Variants in KCNG3 observed in about 807,000 individuals in gnomAD.
KCNG3 encodes the protein voltage-gated potassium channel regulatory subunit KCNG3.
In KCNG3, 15 loss-of-function variants were observed where a neutral mutation model predicts 29.0. The ratio of observed to expected loss-of-function variants is 0.52; its 90% CI spans 0.35 to 0.80. The LOEUF is 0.80. Ranked by LOEUF, KCNG3 falls within the 30% of genes least tolerant of loss-of-function variation. The pLI, the probability that KCNG3 is intolerant of heterozygous loss-of-function variation, is 0.01. For missense variants in KCNG3, 512 were observed against 605.7 expected, an observed-to-expected ratio of 0.85 and a Z score of 1.62; for synonymous variants, 322 against 248.9, an observed-to-expected ratio of 1.29 and a Z score of -2.76.
At chr2:42,468,949 G>A (rs566925426) in intron 1 of KCNG3, among the ~76,000 whole-genome samples, 9 of 59,028 alleles carry the variant, frequency 1.5e-4, no homozygotes, top group East Asian at 4.8e-4. Flanking sequence ...GCAAGACTCC[G>A]TCTCCAAAAA....
At chr2:42,428,216 T>C in the KCNG3 span, among the ~76,000 whole-genome samples, 2 of 152,042 alleles carry the variant, frequency 1.3e-5, no homozygotes, top group Middle Eastern at 6.8e-3. Context: ...TCCCAGCACT[T>C]TGGGAGGCCG....
the KCNG3 span, among the ~76,000 whole-genome samples, chr2:42,403,414 A>T: frequency 5.3e-5 from 8 of 150,316 alleles, no homozygotes; most frequent in African/African-American, 2.0e-4. Flanking sequence ...AAGTTCTAGG[A>T]TTACAGGCAT....
chr2:42,459,263 G>T lies in KCNG3; in HGVS notation c.666-14684C>A, dbSNP rs565696879. Among the ~76,000 whole-genome samples, 149 of 150,728 alleles carry T rather than the reference G, an allele frequency of 9.9e-4. 1 individual carries two copies. The South Asian group carries it at 0.03, about 31-fold the overall frequency. On this transcript the variant is annotated intron_variant, in intron 1 of 1. Coordinates refer to ENST00000306078, the MANE Select transcript of KCNG3 (RefSeq NM_133329.6). ...GGTATTATGGTTTTATGACCCCCCAGATACCCAGCCCCATTCACCATCAGC... is the reference window on the plus strand; with the variant it reads ...GGTATTATGGTTTTATGACCCCCCATATACCCAGCCCCATTCACCATCAGC...
chr2:42,480,395 T>G (rs1405647964), intron 1 of KCNG3, among the ~76,000 whole-genome samples: 1 of 152,190 alleles, frequency 6.6e-6, no homozygotes, highest in Non-Finnish European at 1.5e-5. Flanking sequence ...CAGGCCTGGG[T>G]GGCACCACCA....
intron 1 of KCNG3, among the ~76,000 whole-genome samples, chr2:42,459,500 GTCC>G (rs1359299668): frequency 1.3e-5 from 2 of 152,202 alleles, no homozygotes; most frequent in Non-Finnish European, 2.9e-5. Flanking sequence ...ATGATGCAAT[GTCC>G]TCAAGTCAGG....
chr2:42,396,268 C>T, the KCNG3 span, among the ~76,000 whole-genome samples: 4 of 152,136 alleles, frequency 2.6e-5, no homozygotes, highest in South Asian at 2.1e-4. Context: ...TGTATTTATA[C>T]GTGAAGCATC....
chr2:42,419,373 G>C, the KCNG3 span, among the ~76,000 whole-genome samples: 5 of 151,616 alleles, frequency 3.3e-5, no homozygotes, highest in East Asian at 9.7e-4. Context: ...AAGTAGCTGG[G>C]ATTACAGGCA....
chr2:42,433,877 C>A, the KCNG3 span, among the ~76,000 whole-genome samples: 2 of 152,202 alleles, frequency 1.3e-5, no homozygotes, highest in South Asian at 2.1e-4. Flanking sequence ...GTATTCCAGG[C>A]TCTCTGGCCT....
the KCNG3 span, among the ~76,000 whole-genome samples, chr2:42,431,853 C>T: frequency 6.6e-6 from 1 of 152,138 alleles, no homozygotes; most frequent in African/African-American, 2.4e-5. Context: ...GCCTGGCCAA[C>T]ATGGCGAAAC....
intron 1 of KCNG3, among the ~76,000 whole-genome samples, chr2:42,487,391 C>A (rs1673752618): frequency 7.3e-6 from 1 of 136,914 alleles, no homozygotes. Context: ...GTCACTCAGG[C>A]TGGAATGCAG....
At chr2:42,456,120 G>T (rs1672869140) in intron 1 of KCNG3, among the ~76,000 whole-genome samples, 1 of 151,970 alleles carries the variant, frequency 6.6e-6, no homozygotes, top group South Asian at 2.1e-4. Flanking sequence ...AAACTTAACA[G>T]TTTTGGCAGG....
chr2:42,448,133 C>G (rs533443531), intron 1 of KCNG3, among the ~76,000 whole-genome samples: 1 of 152,150 alleles, frequency 6.6e-6, no homozygotes, highest in Non-Finnish European at 1.5e-5. Context: ...ACATGTTTAA[C>G]GGCCTGCTCT....
At chr2:42,403,629 T>A in the KCNG3 span, among the ~76,000 whole-genome samples, 1 of 150,848 alleles carries the variant, frequency 6.6e-6, no homozygotes, top group South Asian at 2.1e-4. Context: ...TTCTTTTTTT[T>A]TTTTTTTGTA....
chr2:42,415,623 A>G, the KCNG3 span: 1 of 152,242 alleles, frequency 6.6e-6, no homozygotes, highest in Non-Finnish European at 1.5e-5. Context: ...GGAAGTTGTT[A>G]GCTACTACTG....
chr2:42,458,211 G>C (rs1487656488), intron 1 of KCNG3, among the ~76,000 whole-genome samples: 3 of 152,148 alleles, frequency 2.0e-5, no homozygotes, highest in African/African-American at 7.2e-5. Flanking sequence ...ATTGGGATTG[G>C]CCACAGAGAA....
chr2:42,489,897 A>G (rs955411391), intron 1 of KCNG3, among the ~76,000 whole-genome samples: 1 of 152,132 alleles, frequency 6.6e-6, no homozygotes, highest in Non-Finnish European at 1.5e-5. Flanking sequence ...TTTCTCCACC[A>G]CCACAAAGCC....
chr2:42,407,080 T>C, the KCNG3 span, among the ~76,000 whole-genome samples: 3 of 152,120 alleles, frequency 2.0e-5, no homozygotes, highest in African/African-American at 4.8e-5. Flanking sequence ...ATTCATATTC[T>C]CTATTTGTTG....
chr2:42,444,430 G>A lies in KCNG3; in HGVS notation c.815C>T (p.Thr272Ile). 1 of 1,614,132 alleles carries A rather than the reference G, an allele frequency of 6.2e-7. No individual in the cohort carries two copies. Among genetic ancestry groups the A allele is most frequent in the Non-Finnish European group, 8.5e-7 (1 of 1,180,024 alleles). Residue 272 changes from threonine to isoleucine, a missense_variant, in exon 2 of 2, where the codon ACA (threonine) becomes ATA (isoleucine). Physicochemically the swap from Thr to Ile is moderately conservative, Grantham distance 89. Coordinates refer to ENST00000306078, the MANE Select transcript of KCNG3 (RefSeq NM_133329.6). The surrounding 1 kb of genome is among the most constrained non-coding windows in gnomAD (Gnocchi z 5.8). ...ITPYYISVLM[T>I]VFTGENSQLQ... ...TTGAGAGTTCTCGCCTGTAAACACT[G>A]TCATCAACACAGAGATGTAATACGG... is the stretch of plus-strand genomic sequence containing the variant.
At chr2:42,435,461 A>G in the KCNG3 span, among the ~76,000 whole-genome samples, 3 of 152,264 alleles carry the variant, frequency 2.0e-5, no homozygotes, top group Non-Finnish European at 2.9e-5. Context: ...CAAATGATAC[A>G]TACCACTAAG....
Sources: gnomAD v4.1 joint callset for allele counts (sites outside exome capture counted in the v4.1 genomes callset) on GRCh38, gnomAD v4.1.1 for gene constraint, Gnocchi (gnomAD v3.1) non-coding constraint, MANE v1.5 for transcripts, NCBI Gene and HGNC (gene_info 2026-07-23, HGNC 2026-07-21) for gene names.